The following SP140 variants were observed in gnomAD, a reference collection of about 807,000 sequenced individuals.
SP140 encodes nuclear body protein SP140.
A neutral mutation model predicts 125.0 loss-of-function variants in SP140; 81 were observed. The ratio of observed to expected loss-of-function variants is 0.65; its 90% confidence interval spans 0.54 to 0.78. The LOEUF is 0.78. SP140 is among the 30% of genes least tolerant of loss of function. The pLI is 0.00. For missense variants in SP140, 858 were observed against 1,037.0 expected (o/e 0.83, Z 2.37); for synonymous variants, 312 against 354.0 (o/e 0.88, Z 1.33).
intron 22 of SP140, among the ~76,000 whole-genome samples, chr2:230,308,312 C>T (rs1254650936): frequency 2.0e-5 from 3 of 151,962 alleles, no homozygotes; most frequent in Admixed American, 2.0e-4. Context: ...GATGAGTGCA[C>T]CAAAATCTCA....
At chr2:230,212,549 G>T in intron 1 of SP140, 1 of 1,051,844 alleles carries the variant, frequency 9.5e-7, no homozygotes, top group Non-Finnish European at 1.5e-6. Flanking sequence ...GGGTTGGAAT[G>T]TCCCGGGAGT....
intron 1 of SP140, among the ~76,000 whole-genome samples, chr2:230,209,729 C>T (rs774649247): frequency 1.3e-5 from 2 of 152,144 alleles, no homozygotes; most frequent in Admixed American, 6.5e-5. Flanking sequence ...TATTTCAATA[C>T]CCCCAAATGC....
Position 230,292,649 on chromosome 2 carries a change from T to A in SP140, c.1829T>A (p.Ile610Asn). The A allele has an allele frequency of 6.2e-7, 1 of 1,614,120 alleles. No individual in the cohort carries two copies. Among genetic ancestry groups the A allele is most frequent in the Non-Finnish European group, 8.5e-7 (1 of 1,180,004 alleles). Residue 610 changes from isoleucine to asparagine, a missense_variant, in exon 20 of 27, where the codon ATC (isoleucine) becomes AAC (asparagine). Around this residue, in one of 4 missense-constraint regions of SP140, gnomAD observed 791 missense variants for 869.5 expected, o/e 0.91. Coordinates refer to ENST00000392045, the MANE Select transcript of SP140 (RefSeq NM_007237.5). The part of the protein sequence containing the change: ...ILHKKKLQQG[I>N]LVKCIQTEDG... ...TCAAGTTACCCTGGTCTTACAGGAA[T>A]CTTGGTGAAGTGTATACAGACTGAG...
intron 12 of SP140, among the ~76,000 whole-genome samples, chr2:230,265,991 A>T (rs1306243096): frequency 6.6e-6 from 1 of 152,182 alleles, no homozygotes; most frequent in Non-Finnish European, 1.5e-5. Flanking sequence ...CTGATGAAGG[A>T]GTATTTTAAA....
Position 230,290,494 on chromosome 2 carries a change from T to G in SP140, c.1755T>G (p.Phe585Leu), listed in dbSNP as rs1291670252. ...AGCACAAAGATGAAACTGTGGATTT[T>G]AAGGCTCCTTTGCTTCCAGTGACCT... ...SRKHKDETVD[F>L]KAPLLPVTCG... Residue 585 changes from phenylalanine to leucine, a missense_variant, in exon 19 of 27, where the codon TTT becomes TTG. Phe to Leu is a conservative substitution (Grantham distance 22). Around this residue, in one of 4 missense-constraint regions of SP140, gnomAD observed 791 missense variants for 869.5 expected, o/e 0.91. Coordinates refer to ENST00000392045, the MANE Select transcript of SP140 (RefSeq NM_007237.5). 15 of 1,613,730 alleles carry G rather than the reference T, an allele frequency of 9.3e-6. No individual in the cohort carries two copies. The highest frequency in any genetic ancestry group is 1.3e-5 in the African/African-American group (1 of 74,892).
At chr2:230,304,906 G>A (rs192193136) in intron 22 of SP140, among the ~76,000 whole-genome samples, 466 of 152,308 alleles carry the variant, frequency 3.1e-3, no homozygotes, top group Non-Finnish European at 5.4e-3. Flanking sequence ...AAGATAAATA[G>A]ATGGGATTTA....
chr2:230,299,560 G>A (rs547453589), intron 22 of SP140, among the ~76,000 whole-genome samples: 1 of 152,254 alleles, frequency 6.6e-6, no homozygotes, highest in East Asian at 1.9e-4. Context: ...GCTGAACTTT[G>A]TAATAATTTT....
intron 22 of SP140, among the ~76,000 whole-genome samples, chr2:230,299,124 G>A (rs114929358): frequency 7.2e-4 from 110 of 152,328 alleles, no homozygotes; most frequent in African/African-American, 2.3e-3. Flanking sequence ...ACAGAACAGC[G>A]TGTTGAGACT....
At chr2:230,210,256 G>A (rs372464664) in intron 1 of SP140, among the ~76,000 whole-genome samples, 21 of 152,308 alleles carry the variant, frequency 1.4e-4, no homozygotes, top group African/African-American at 4.8e-4. Context: ...TCCTTTTAGA[G>A]AGATTATCTT....
chr2:230,212,493 G>T (rs1401329637), intron 1 of SP140: 2 of 1,323,164 alleles, frequency 1.5e-6, no homozygotes, highest in Non-Finnish European at 2.2e-6. Context: ...AAGAGTGAAT[G>T]TTAAAAGTGC....
At chr2:230,198,068 T>G in the SP140 span, among the ~76,000 whole-genome samples, 3 of 152,202 alleles carry the variant, frequency 2.0e-5, no homozygotes, top group Admixed American at 6.5e-5. Context: ...CATTGAAAAG[T>G]GTATTTCTCT....
At chr2:230,266,306 A>G (rs10205568) in intron 12 of SP140, among the ~76,000 whole-genome samples, 20,206 of 152,032 alleles carry the variant, frequency 0.13, 2,490 homozygotes, top group African/African-American at 0.32. Flanking sequence ...TAGAAGTTTT[A>G]TGTCCATTTT....
chr2:230,307,669 G>C (rs1231004578), intron 22 of SP140, among the ~76,000 whole-genome samples: 1 of 152,104 alleles, frequency 6.6e-6, no homozygotes, highest in Non-Finnish European at 1.5e-5. Flanking sequence ...GTATGCAGTG[G>C]CTGGACCCCA....
chr2:230,214,224 G>A (rs1014620250), intron 3 of SP140: 5 of 151,686 alleles, frequency 3.3e-5, no homozygotes, highest in African/African-American at 7.3e-5. Flanking sequence ...CTTTCTCTAC[G>A]TACTTCATGA....
intron 1 of SP140, chr2:230,210,005 A>C: frequency 6.3e-7 from 1 of 1,586,934 alleles, no homozygotes; most frequent in Non-Finnish European, 8.7e-7. Flanking sequence ...ATTATCTCTT[A>C]TCTCTGACAA....
chr2:230,248,217 C>T (rs1296859528), intron 8 of SP140, 152 bp downstream of exon 8: 3 of 678,252 alleles, frequency 4.4e-6, no homozygotes, highest in African/African-American at 3.6e-5. Context: ...TCTTTAACAT[C>T]GATATGCAAA....
At chr2:230,269,754 A>G in intron 13 of SP140, 83 bp from the exon 14 acceptor site, 1 of 1,188,376 alleles carries the variant, frequency 8.4e-7, no homozygotes, top group Non-Finnish European at 1.2e-6. Context: ...AGGAAAAAGT[A>G]AAGAAGGGGG....
In SP140 at chr2:230,211,350, C is replaced by G; in HGVS notation, c.-322-2304C>G. ...TCCCAAGTGCTGGGTGAACTGGAAG[C>G]TGGGCCAAGATTGCTGAGAGGCAGG... On this transcript the variant is annotated intron_variant, in intron 1 of 4. Coordinates refer to the SP140 transcript ENST00000456542. This position sits in a 1 kb window ranked among gnomAD's most constrained non-coding sequence, Gnocchi z 4.2. 1.3e-6 allele frequency: 1 copy of G among 751,478 alleles called. No homozygotes were observed. The highest frequency in any genetic ancestry group is 1.4e-5 in the South Asian group (1 of 70,722). 46.6% of individuals were successfully genotyped at this position (751,478 alleles called of 1,614,324 possible).
intron 4 of SP140, among the ~76,000 whole-genome samples, chr2:230,242,964 A>G (rs1371777324): frequency 6.6e-6 from 1 of 152,206 alleles, no homozygotes; most frequent in East Asian, 1.9e-4. Flanking sequence ...TTTAAAGTGC[A>G]CATCAGATTG....
Sources: gnomAD v4.1 joint callset for allele counts (sites outside exome capture counted in the v4.1 genomes callset) on GRCh38, gnomAD v4.1.1 for gene constraint, gnomAD v4.1.1 regional missense constraint, Gnocchi (gnomAD v3.1) non-coding constraint, MANE v1.5 for transcripts, NCBI Gene and HGNC (gene_info 2026-07-23, HGNC 2026-07-21) for gene names.